The following PFKFB3 variants were observed in gnomAD, a reference collection of about 807,000 sequenced individuals.
The protein encoded by PFKFB3 is 6-phosphofructo-2-kinase/fructose-2,6-biphosphatase 3.
A neutral mutation model predicts 68.0 loss-of-function variants in PFKFB3; 33 were observed. The observed-to-expected ratio is 0.49, with a 90% CI of 0.37 to 0.65. PFKFB3 has a LOEUF of 0.65. Among genes scored for constraint, PFKFB3 ranks in the 30% least tolerant of loss-of-function variants. PFKFB3 has a pLI of 0.00. For missense variants in PFKFB3, 586 were observed against 712.2 expected (o/e 0.82, Z 2.02); for synonymous variants, 315 against 288.2 (o/e 1.09, Z -0.94).
At chr10:6,159,695 G>GA (rs746368669) in intron 1 of PFKFB3, among the ~76,000 whole-genome samples, 2,849 of 99,182 alleles carry the variant, frequency 0.029, 38 homozygotes, top group South Asian at 0.089. Flanking sequence ...TCCGTCTGAG[G>GA]AAAAAAAAAA....
At chr10:6,282,760 C>T in the PFKFB3 span, among the ~76,000 whole-genome samples, 1 of 151,992 alleles carries the variant, frequency 6.6e-6, no homozygotes, top group Admixed American at 6.6e-5. Context: ...GTGAGTTTAC[C>T]CTGACTTGGC....
At chr10:6,237,094 C>T (rs1846030962), downstream of PFKFB3, among the ~76,000 whole-genome samples, 1 of 152,254 alleles carries the variant, frequency 6.6e-6, no homozygotes, top group Admixed American at 6.5e-5. Flanking sequence ...GAGAGTGCCG[C>T]TCCCTCCCCT....
chr10:6,249,318 A>G (rs1401361213), intron 14 of PFKFB3, among the ~76,000 whole-genome samples: 1 of 152,196 alleles, frequency 6.6e-6, no homozygotes, highest in Non-Finnish European at 1.5e-5. Context: ...CTATTAATAT[A>G]TGATCTAGCA....
chr10:6,169,989 T>G (rs561415417), intron 1 of PFKFB3, among the ~76,000 whole-genome samples: 2 of 152,316 alleles, frequency 1.3e-5, no homozygotes, highest in African/African-American at 4.8e-5. Flanking sequence ...TCTTGCCTAT[T>G]TGCAGTTCCC....
chr10:6,227,034 C>T (rs945670289), intron 14 of PFKFB3, among the ~76,000 whole-genome samples: 1 of 151,602 alleles, frequency 6.6e-6, no homozygotes, highest in African/African-American at 2.4e-5. Flanking sequence ...TGCAGTGAGC[C>T]GAGATGGTGC....
chr10:6,182,266 C>A (rs981955116), intron 1 of PFKFB3, among the ~76,000 whole-genome samples: 1 of 151,996 alleles, frequency 6.6e-6, no homozygotes, highest in Non-Finnish European at 1.5e-5. Context: ...TGCATCCCCC[C>A]AACATTCACA....
Position 6,203,340 on chromosome 10 carries a change from A to G in PFKFB3, c.76+4A>G. 6.3e-7 allele frequency: 1 copy of G among 1,599,880 alleles called. No individual in the cohort carries two copies. The highest frequency in any genetic ancestry group is 8.5e-7 in the Non-Finnish European group (1 of 1,173,630). On this transcript the variant is annotated splice_donor_region_variant and intron_variant, in intron 1 of 14. Coordinates refer to ENST00000379775, the MANE Select transcript of PFKFB3 (RefSeq NM_004566.4). ...CACAGGCCCTCGTTGCCCAGATGTG[A>G]GTGCAGCTGCGCGGAGCCGGGTTGC...
chr10:6,219,370 C>T (rs1844797551), intron 6 of PFKFB3, 199 bp from the exon 7 acceptor site: 1 of 556,546 alleles, frequency 1.8e-6, no homozygotes, highest in African/African-American at 1.9e-5. Flanking sequence ...TTCTCCATCT[C>T]CCCAGGGAAT....
chr10:6,204,422 C>A (rs633733), intron 1 of PFKFB3, among the ~76,000 whole-genome samples: 1 of 152,118 alleles, frequency 6.6e-6, no homozygotes, highest in Non-Finnish European at 1.5e-5. Context: ...CCGGCTACTA[C>A]GTTTCTTAGG....
intron 14 of PFKFB3, among the ~76,000 whole-genome samples, chr10:6,227,988 C>T (rs57520551): frequency 4.2e-4 from 64 of 152,288 alleles, no homozygotes; most frequent in African/African-American, 1.1e-3. Flanking sequence ...CACAGACCTC[C>T]GTCGTGGAGG....
At position 6,215,464 on chromosome 10, in the gene PFKFB3, G is replaced by C. The variant is rs953285803; in HGVS notation, c.299+147G>C. 1 of 683,376 alleles carries C rather than the reference G, an allele frequency of 1.5e-6. No homozygotes were observed. Among genetic ancestry groups the C allele is most frequent in the African/African-American group, 1.8e-5 (1 of 56,194 alleles). 42.3% of individuals were successfully genotyped at this position (683,376 alleles called of 1,614,324 possible). A position where few individuals can be genotyped will look rare whatever the true frequency, so the allele number is the denominator to read the frequency against. On this transcript the variant is annotated intron_variant, in intron 3 of 14. Coordinates refer to ENST00000379775, the MANE Select transcript of PFKFB3 (RefSeq NM_004566.4). This position sits in a 1 kb window ranked among gnomAD's most constrained non-coding sequence, Gnocchi z 4.3. ...TGGGCTGCGGGGCTGCGGGTGTAAG[G>C]CTGGGCTGCGGGCTTGGGCTTGCTT... is the stretch of plus-strand genomic sequence containing the variant.
the PFKFB3 span, among the ~76,000 whole-genome samples, chr10:6,323,165 C>T: frequency 0.064 from 9,733 of 152,302 alleles, 416 homozygotes; most frequent in Middle Eastern, 0.21. Flanking sequence ...ATATCTGTAT[C>T]TATATCCATA....
chr10:6,218,248 A>G (rs1286854953), intron 6 of PFKFB3, among the ~76,000 whole-genome samples: 1 of 152,144 alleles, frequency 6.6e-6, no homozygotes, highest in African/African-American at 2.4e-5. Context: ...CTGGTTGTCC[A>G]CTAGCAGATA....
At chr10:6,251,335 G>A (rs564304990) in intron 14 of PFKFB3, among the ~76,000 whole-genome samples, 165 of 152,272 alleles carry the variant, frequency 1.1e-3, no homozygotes, top group Non-Finnish European at 1.3e-4. Context: ...AATGGTGCCC[G>A]TCTCCATTCA....
At chr10:6,222,538 G>A (rs1202488023) in intron 10 of PFKFB3, among the ~76,000 whole-genome samples, 1 of 152,166 alleles carries the variant, frequency 6.6e-6, no homozygotes, top group Middle Eastern at 3.2e-3. Flanking sequence ...CGGCCCGTCT[G>A]CTTCCTGCAT....
In PFKFB3 at chr10:6,203,318, A is replaced by C. The variant is rs1032524920; in HGVS notation, c.58A>C (p.Arg20=). ...GAAGATCTGGGTGCCCGTGGACCAC[A>C]GGCCCTCGTTGCCCAGATGTGAGTG... ...VQKIWVPVDH[R]PSLPRSCGPK... is the part of the protein sequence containing the mutation. Residue 20 remains arginine, a synonymous_variant, in exon 1 of 15, where the codon AGG becomes CGG. Transcript: ENST00000379775. The C allele has an allele frequency of 3.1e-6, 5 of 1,609,170 alleles. No homozygotes were observed. Among genetic ancestry groups the C allele is most frequent in the Non-Finnish European group, 4.2e-6 (5 of 1,177,882 alleles).
upstream of PFKFB3, among the ~76,000 whole-genome samples, chr10:6,200,682 G>GGGGGGGGGGGGGGGGGGGT (rs1843316340): frequency 9.9e-6 from 1 of 101,436 alleles, no homozygotes; most frequent in African/African-American, 3.6e-5. Context: ...GGGGCGGGGG[G>GGGGGGGGGGGGGGGGGGGT]TGGTGGTGGG....
At chr10:6,191,387 C>T (rs964719539) in intron 1 of PFKFB3, among the ~76,000 whole-genome samples, 1 of 152,198 alleles carries the variant, frequency 6.6e-6, no homozygotes, top group Non-Finnish European at 1.5e-5. Flanking sequence ...GGGCTCCTAG[C>T]CCCTGGACTA....
At chr10:6,251,234 T>C (rs563614513) in intron 14 of PFKFB3, among the ~76,000 whole-genome samples, 8 of 152,298 alleles carry the variant, frequency 5.3e-5, no homozygotes, top group African/African-American at 1.9e-4. Flanking sequence ...TTTTATCTCA[T>C]TGAATCTTCA....
Sources: gnomAD v4.1 joint callset for allele counts (sites outside exome capture counted in the v4.1 genomes callset) on GRCh38, gnomAD v4.1.1 for gene constraint, Gnocchi (gnomAD v3.1) non-coding constraint, MANE v1.5 for transcripts, NCBI Gene and HGNC (gene_info 2026-07-23, HGNC 2026-07-21) for gene names.